The following CC2D1A variants were observed in gnomAD, a reference collection of about 807,000 sequenced individuals.
CC2D1A encodes the protein coiled-coil and C2 domain containing 1A, also known as coiled-coil and C2 domain-containing protein 1A.
Under a neutral mutation model 123.8 loss-of-function variants are expected in CC2D1A, and 68 were observed. That is an observed-to-expected ratio of 0.55 (90% CI 0.45 to 0.67). The LOEUF is 0.67. CC2D1A is among the 30% of genes least tolerant of loss of function. The probability of loss-of-function intolerance (pLI) is 0.00; values close to 1 mark genes in which losing one functional copy is unlikely to be tolerated. For synonymous variants in CC2D1A, 477 were observed against 528.0 expected (o/e 0.90, Z 1.32); for missense variants, 1,185 against 1,290.3 (o/e 0.92, Z 1.25).
Position 13,926,694 on chromosome 19 carries a change from T to C in CC2D1A, c.2042T>C (p.Phe681Ser). Reference sequence around the variant, plus strand: ...CTGTCCCCTGGCGATCTGGATGTCTTTGTTCGGTTTGACTTCCCCTATCCC... The same window carrying C: ...CTGTCCCCTGGCGATCTGGATGTCTCTGTTCGGTTTGACTTCCCCTATCCC... The part of the protein sequence containing the change: ...PGLSPGDLDV[F>S]VRFDFPYPNV... The change falls in exon 19 of 29, where the codon TTT becomes TCT. Residue 681 changes from phenylalanine to serine, a missense_variant. Physicochemically the swap from Phe to Ser is radical, Grantham distance 155. Transcript: ENST00000318003. 1.2e-6 allele frequency: 2 copies of C among 1,614,110 alleles called. No individual in the cohort carries two copies. Among genetic ancestry groups the C allele is most frequent in the Non-Finnish European group, 1.7e-6 (2 of 1,180,008 alleles).
chr19:13,913,102 A>C, intron 4 of CC2D1A, 66 bp from the exon 5 acceptor site: 6 of 1,473,814 alleles, frequency 4.1e-6, no homozygotes, highest in Non-Finnish European at 5.4e-6. Context: ...CTGTTACTGC[A>C]GAAGGGGCTA....
chr19:13,930,590 G>A lies in CC2D1A; in HGVS notation c.*195G>A. 1 of 651,126 alleles carries A rather than the reference G, an allele frequency of 1.5e-6. No homozygotes were observed. Among genetic ancestry groups the A allele is most frequent in the Non-Finnish European group, 2.6e-6 (1 of 383,234 alleles). 40.3% of individuals were successfully genotyped at this position (651,126 alleles called of 1,614,324 possible). ...GGGAACCATGCCTGCCAGCCAGTATGTGCCCCTCACCCAGGCCTGGCTGGG... is the reference window on the plus strand; with the variant it reads ...GGGAACCATGCCTGCCAGCCAGTATATGCCCCTCACCCAGGCCTGGCTGGG... On this transcript the variant is annotated 3_prime_UTR_variant, in exon 29 of 29. Transcript: ENST00000318003. The surrounding 1 kb of genome is among the most constrained non-coding windows in gnomAD (Gnocchi z 6.8).
At chr19:13,919,333 A>G (rs1259297361) in intron 11 of CC2D1A, 131 bp downstream of exon 11, 4 of 672,594 alleles carry the variant, frequency 5.9e-6, no homozygotes, top group Non-Finnish European at 1.0e-5. Flanking sequence ...GGCAGATGCT[A>G]TTACTCCCCA....
intron 26 of CC2D1A, 142 bp downstream of exon 26, chr19:13,929,802 T>G (rs1599413320): frequency 7.4e-6 from 1 of 135,904 alleles, no homozygotes; most frequent in East Asian, 2.2e-4. Context: ...GATGGGCACC[T>G]GGAGGGGGAG....
chr19:13,912,303 G>C lies in CC2D1A; in HGVS notation c.197-20G>C, dbSNP rs1971025491. On this transcript the variant is annotated intron_variant, in intron 2 of 28. Coordinates refer to ENST00000318003, the MANE Select transcript of CC2D1A (RefSeq NM_017721.5). ...TTGGTGTACGACCCTGGTCCACCTG[G>C]GGCATCCCCCTACCGCCAGGTCCCT... The C allele has an allele frequency of 6.4e-7, 1 of 1,574,672 alleles. No homozygotes were observed. Among genetic ancestry groups the C allele is most frequent in the South Asian group, 1.2e-5 (1 of 86,122 alleles).
intron 1 of CC2D1A, among the ~76,000 whole-genome samples, chr19:13,907,246 G>A (rs1970792095): frequency 2.0e-5 from 3 of 151,840 alleles, no homozygotes; most frequent in South Asian, 2.1e-4. Context: ...CAAGACCCCC[G>A]TCTCGACAAA....
chr19:13,928,317 CTT>C, intron 24 of CC2D1A, 129 bp downstream of exon 24: 1 of 767,336 alleles, frequency 1.3e-6, no homozygotes, highest in Non-Finnish European at 2.1e-6. Flanking sequence ...CTTGGCACCC[CTT>C]TTCCCAGAGG....
At chr19:13,921,093 G>GT (rs2145340559) in intron 14 of CC2D1A, among the ~76,000 whole-genome samples, 171 bp downstream of exon 14, 1 of 152,358 alleles carries the variant, frequency 6.6e-6, no homozygotes, top group African/African-American at 2.4e-5. Flanking sequence ...TTTCTTGCAT[G>GT]TACCACCCAG....
intron 19 of CC2D1A, 34 bp downstream of exon 19, chr19:13,926,759 C>A (rs1459504621): frequency 6.2e-7 from 1 of 1,614,006 alleles, no homozygotes; most frequent in Non-Finnish European, 8.5e-7. Flanking sequence ...AGGGCTGCAG[C>A]CTCAGTGGGC....
Position 13,906,417 on chromosome 19 carries a change from G to C in CC2D1A, c.-25G>C, listed in dbSNP as rs1302745288. On this transcript the variant is annotated 5_prime_UTR_variant, in exon 1 of 29. Coordinates refer to ENST00000318003, the MANE Select transcript of CC2D1A (RefSeq NM_017721.5). The surrounding 1 kb of genome is among the most constrained non-coding windows in gnomAD (Gnocchi z 4.1). ...AGGGCAAGGCCGGGCTTGGGGGCAG[G>C]TGGTCCGGGCATCCAGCCTTGAAGA... The C allele has an allele frequency of 3.3e-6, 5 of 1,507,850 alleles. No individual in the cohort carries two copies. Among genetic ancestry groups the C allele is most frequent in the Admixed American group, 2.2e-5 (1 of 46,482 alleles). 93.4% of individuals were successfully genotyped at this position (1,507,850 alleles called of 1,614,324 possible).
At chr19:13,928,088 G>T (rs752521566) in intron 23 of CC2D1A, 36 bp from the exon 24 acceptor site, 12 of 1,612,906 alleles carry the variant, frequency 7.4e-6, no homozygotes, top group Non-Finnish European at 8.5e-6. Flanking sequence ...TGGTTCAGGG[G>T]CCCAGGACTC....
chr19:13,909,424 G>C lies in CC2D1A; in HGVS notation c.61-399G>C, dbSNP rs544248738. On this transcript the variant is annotated intron_variant, in intron 1 of 28. Coordinates refer to ENST00000318003, the MANE Select transcript of CC2D1A (RefSeq NM_017721.5). Reference sequence around the variant, plus strand: ...CTTTTTTTTTTTTTGTAGAGTTGGGGGTCTCACTGTATTGCCCAGGCTGGT... The same window carrying C: ...CTTTTTTTTTTTTTGTAGAGTTGGGCGTCTCACTGTATTGCCCAGGCTGGT... Among the ~76,000 whole-genome samples, 175 of 151,562 alleles carry C rather than the reference G, an allele frequency of 1.2e-3. 3 individuals carry two copies. Among genetic ancestry groups the C allele is most frequent in the South Asian group, 4.2e-3 (20 of 4,806 alleles).
chr19:13,923,248 C>G lies in CC2D1A; in HGVS notation c.1642-85C>G. On this transcript the variant is annotated intron_variant, in intron 14 of 28. Transcript: ENST00000318003. The surrounding 1 kb of genome is among the most constrained non-coding windows in gnomAD (Gnocchi z 5.3). ...AGAGCCGTGGTCAGGGAATGCCCCT[C>G]GTCAAGGAAGAATGACATTTCTGCA... The G allele has an allele frequency of 6.8e-7, 1 of 1,475,876 alleles. No individual in the cohort carries two copies. Among genetic ancestry groups the G allele is most frequent in the Non-Finnish European group, 9.0e-7 (1 of 1,108,434 alleles). 91.4% of individuals were successfully genotyped at this position (1,475,876 alleles called of 1,614,324 possible). A position where few individuals can be genotyped will look rare whatever the true frequency, so the allele number is the denominator to read the frequency against.
Position 13,918,619 on chromosome 19 carries a change from A to G in CC2D1A, c.946+43A>G, listed in dbSNP as rs746324930. The G allele has an allele frequency of 2.5e-6, 4 of 1,603,210 alleles. No homozygotes were observed. The African/African-American group carries it at 4.0e-5, about 16-fold the overall frequency. On this transcript the variant is annotated intron_variant, in intron 8 of 28. Transcript: ENST00000318003. ...CCCACTCTCTGGGATGGTTTCAGGC[A>G]TACACTAAGTTCTCCTTGATGCTGC... is the stretch of plus-strand genomic sequence containing the variant.
In CC2D1A at chr19:13,909,856, C is replaced by CT; in HGVS notation, c.95dup (p.Met33AspfsTer4). 1 of 1,580,578 alleles carries CT rather than the reference C, an allele frequency of 6.3e-7. No homozygotes were observed. On this transcript the variant is annotated frameshift_variant, in exon 2 of 29. Coordinates refer to ENST00000318003, the MANE Select transcript of CC2D1A (RefSeq NM_017721.5). LOFTEE classifies it high-confidence loss of function. ...GCTGGTTGACCTCTCCCCAGATGGC[C>CT]TGATGATCCCTGAGGACGGGGCTAA...
At position 13,930,444 on chromosome 19, in the gene CC2D1A, T is replaced by A; in HGVS notation, c.*49T>A. The A allele has an allele frequency of 6.5e-7, 1 of 1,550,378 alleles. No homozygotes were observed. Among genetic ancestry groups the A allele is most frequent in the South Asian group, 1.2e-5 (1 of 83,204 alleles). ...CCAGAAAGCGGGCAGCAGGCCCCGA[T>A]ACCGGGAAGAGCCGACACAGCCACG... is the stretch of plus-strand genomic sequence containing the variant. On this transcript the variant is annotated 3_prime_UTR_variant, in exon 29 of 29. Coordinates refer to ENST00000318003, the MANE Select transcript of CC2D1A (RefSeq NM_017721.5). This position sits in a 1 kb window ranked among gnomAD's most constrained non-coding sequence, Gnocchi z 6.8.
chr19:13,914,815 G>T (rs1971146933), intron 6 of CC2D1A, among the ~76,000 whole-genome samples: 1 of 152,094 alleles, frequency 6.6e-6, no homozygotes. Flanking sequence ...GCTAATTTTT[G>T]TACTTTTTGT....
In CC2D1A at chr19:13,906,741, G is replaced by A. The variant is rs1038748768; in HGVS notation, c.60+240G>A. Among the ~76,000 whole-genome samples the A allele has an allele frequency of 6.6e-6, 1 of 152,240 alleles. No individual in the cohort carries two copies. The highest frequency in any genetic ancestry group is 2.4e-5 in the African/African-American group (1 of 41,476). On this transcript the variant is annotated intron_variant, in intron 1 of 28. Transcript: ENST00000318003. This position sits in a 1 kb window ranked among gnomAD's most constrained non-coding sequence, Gnocchi z 4.1. The stretch of plus-strand genomic sequence containing the variant: ...CTGTTGCCACAGCTGCTCCAGTCGA[G>A]GAGGGGCAGTCCTCGGACTTGACAC...
chr19:13,913,617 G>C lies in CC2D1A; in HGVS notation c.727G>C (p.Ala243Pro). 6.2e-7 allele frequency: 1 copy of C among 1,609,010 alleles called. No individual in the cohort carries two copies. The highest frequency in any genetic ancestry group is 8.5e-7 in the Non-Finnish European group (1 of 1,176,852). Residue 243 changes from alanine (A) to proline (P), a missense_variant, in exon 6 of 29, where the codon GCT (alanine) becomes CCT (proline). Ala to Pro is a conservative substitution (Grantham distance 27, BLOSUM62 -1). Coordinates refer to ENST00000318003, the MANE Select transcript of CC2D1A (RefSeq NM_017721.5). ...ATAPASSPGL[A>P]KPQMPPGPCS... ...CGCCCCAGCCTCATCTCCAGGCTTG[G>C]CTAAGCCCCAGATGCCCCCAGGTAG...
Sources: allele counts gnomAD v4.1 joint callset (sites outside exome capture counted in the v4.1 genomes callset), GRCh38; gene constraint gnomAD v4.1.1; non-coding constraint Gnocchi (gnomAD v3.1); transcripts MANE v1.5; gene names NCBI Gene and HGNC (gene_info 2026-07-23, HGNC 2026-07-21).